RBFOX1: variants seen among roughly 807,000 people sequenced by gnomAD.
RBFOX1 encodes the protein RNA binding fox-1 homolog 1.
Under a neutral mutation model 57.7 loss-of-function variants are expected in RBFOX1, and 8 were observed. The observed-to-expected ratio is 0.14, with a 90% CI of 0.08 to 0.25. RBFOX1 has a LOEUF of 0.25. Ranked by LOEUF, RBFOX1 falls within the 10% of genes least tolerant of loss-of-function variation. RBFOX1 has a pLI of 1.00. For missense variants in RBFOX1, 611 were observed against 548.5 expected (o/e 1.11, Z -1.14); for synonymous variants, 326 against 222.4 (o/e 1.47, Z -4.15).
intron 4 of RBFOX1, among the ~76,000 whole-genome samples, chr16:7,065,332 A>G (rs2055701836): frequency 2.0e-5 from 3 of 152,094 alleles, no homozygotes; most frequent in Admixed American, 6.6e-5. Context: ...CTTCAGGTGC[A>G]CGTCTCATCT....
In RBFOX1 at chr16:6,909,382, C is replaced by G. The variant is rs143328942; in HGVS notation, c.-15-142675C>G. 1.9e-3 allele frequency among the ~76,000 whole-genome samples: 290 copies of G among 152,306 alleles called. 1 individual carries two copies. The highest frequency in any genetic ancestry group is 3.0e-3 in the Non-Finnish European group (204 of 68,030). On this transcript the variant is annotated intron_variant, in intron 3 of 15. Transcript: ENST00000550418. ...GGGTCCACCTGGATAATCCTGGCAA[C>G]TCTTCCATTTCAAGATCCTTTATTA...
intron 5 of RBFOX1, among the ~76,000 whole-genome samples, chr16:7,548,467 G>T (rs2085270349): frequency 6.6e-6 from 1 of 152,160 alleles, no homozygotes; most frequent in Non-Finnish European, 1.5e-5. Context: ...CGTATTAGTT[G>T]TTCTTTAAAC....
At chr16:6,030,534 A>G (rs955635068) in intron 1 of RBFOX1, among the ~76,000 whole-genome samples, 9 of 152,222 alleles carry the variant, frequency 5.9e-5, no homozygotes, top group African/African-American at 2.2e-4. Context: ...TACTGTATCA[A>G]AAGAATACCT....
At chr16:7,685,185 T>C (rs2075793079) in intron 14 of RBFOX1, among the ~76,000 whole-genome samples, 1 of 152,110 alleles carries the variant, frequency 6.6e-6, no homozygotes, top group Non-Finnish European at 1.5e-5. Flanking sequence ...AACAAGCTTC[T>C]GTTCTACCCC....
intron 4 of RBFOX1, among the ~76,000 whole-genome samples, chr16:7,266,317 A>G (rs2095140321): frequency 1.3e-5 from 2 of 151,786 alleles, no homozygotes; most frequent in Admixed American, 6.6e-5. Flanking sequence ...ACCTTCCCCC[A>G]CGCTCTCGCC....
chr16:7,604,678 A>T (rs983409778), intron 9 of RBFOX1, among the ~76,000 whole-genome samples: 1 of 152,178 alleles, frequency 6.6e-6, no homozygotes, highest in Non-Finnish European at 1.5e-5. Flanking sequence ...CATGATTTCT[A>T]GGTAGCCTCA....
intron 3 of RBFOX1, among the ~76,000 whole-genome samples, chr16:6,822,598 C>T (rs1008629024): frequency 3.9e-5 from 6 of 152,206 alleles, no homozygotes; most frequent in Non-Finnish European, 8.8e-5. Flanking sequence ...TATTTCCCAT[C>T]ACAATCTAAG....
intron 14 of RBFOX1, among the ~76,000 whole-genome samples, chr16:7,704,208 C>A (rs1228686445): frequency 2.6e-5 from 4 of 152,090 alleles, no homozygotes; most frequent in Admixed American, 1.3e-4. Context: ...GGGTTGCTTC[C>A]CAGTTTTAAC....
chr16:7,042,443 C>T (rs906709407), intron 3 of RBFOX1, among the ~76,000 whole-genome samples: 3 of 152,208 alleles, frequency 2.0e-5, no homozygotes, highest in Non-Finnish European at 2.9e-5. Context: ...TTCACTCACT[C>T]TGTGCCTCAG....
At chr16:6,356,628 A>G (rs1325922229) in intron 2 of RBFOX1, among the ~76,000 whole-genome samples, 4 of 152,136 alleles carry the variant, frequency 2.6e-5, no homozygotes, top group Admixed American at 6.5e-5. Flanking sequence ...AAAAACTGTG[A>G]AATAGCTGCA....
chr16:5,726,569 T>A (rs1170112621), intron 3 of RBFOX1, among the ~76,000 whole-genome samples: 4 of 152,088 alleles, frequency 2.6e-5, no homozygotes, highest in African/African-American at 9.7e-5. Flanking sequence ...TAGCCTGGAG[T>A]CCAGGGAAGC....
At chr16:6,661,451 A>G (rs1300029218) in intron 3 of RBFOX1, among the ~76,000 whole-genome samples, 1 of 152,196 alleles carries the variant, frequency 6.6e-6, no homozygotes, top group Non-Finnish European at 1.5e-5. Flanking sequence ...GTAGCAGGTT[A>G]TGGAGGGAAT....
intron 2 of RBFOX1, among the ~76,000 whole-genome samples, chr16:6,619,904 G>T (rs1035573629): frequency 2.0e-5 from 3 of 151,900 alleles, no homozygotes; most frequent in Non-Finnish European, 4.4e-5. Context: ...GTTCCCCTCT[G>T]TGTGTCCACG....
intron 4 of RBFOX1, among the ~76,000 whole-genome samples, chr16:7,137,520 A>G (rs2072374172): frequency 6.6e-6 from 1 of 152,088 alleles, no homozygotes; most frequent in African/African-American, 2.4e-5. Context: ...ACCTTCCGCC[A>G]TGATTGTGAG....
chr16:5,464,687 C>G (rs1244334986), intron 1 of RBFOX1, among the ~76,000 whole-genome samples: 1 of 152,182 alleles, frequency 6.6e-6, no homozygotes, highest in African/African-American at 2.4e-5. Flanking sequence ...GCATTCAGCC[C>G]AGCTGTGGAG....
chr16:7,021,929 ATTTTCTTTTCTTTC>A (rs1568407355), intron 3 of RBFOX1, among the ~76,000 whole-genome samples: 45 of 120,640 alleles, frequency 3.7e-4, no homozygotes, highest in African/African-American at 1.3e-3. Context: ...TTCTTTCTTT[ATTTTCTTTTCTTTC>A]TTTCTTTTCT....
chr16:6,987,843 G>T (rs894685260), intron 3 of RBFOX1, among the ~76,000 whole-genome samples: 11 of 152,112 alleles, frequency 7.2e-5, no homozygotes, highest in Non-Finnish European at 1.5e-5. Flanking sequence ...TAGAAATCCA[G>T]GTTTATTGGG....
chr16:6,033,766 C>G (rs989633680), intron 1 of RBFOX1, among the ~76,000 whole-genome samples: 1 of 152,208 alleles, frequency 6.6e-6, no homozygotes, highest in African/African-American at 2.4e-5. Context: ...CCACTTCCCA[C>G]ACATGTCTGT....
intron 1 of RBFOX1, among the ~76,000 whole-genome samples, chr16:6,293,903 T>G (rs80204015): frequency 1.7e-4 from 25 of 142,954 alleles, no homozygotes; most frequent in Middle Eastern, 3.5e-3. Context: ...AGCGGGGGGG[T>G]GGTGGAAATA....
Sources: allele counts gnomAD v4.1 joint callset (sites outside exome capture counted in the v4.1 genomes callset), GRCh38; gene constraint gnomAD v4.1.1; transcripts MANE v1.5; gene names NCBI Gene and HGNC (gene_info 2026-07-23, HGNC 2026-07-21).